The following VWA2 variants were observed in gnomAD, a reference collection of about 807,000 sequenced individuals.
The protein encoded by VWA2 is von Willebrand factor A domain containing 2, also known as von Willebrand factor A domain-containing protein 2.
A neutral mutation model predicts 70.4 loss-of-function variants in VWA2; 73 were observed. That is an observed-to-expected ratio of 1.04 (90% CI 0.86 to 1.26). VWA2 has a LOEUF of 1.26. Among genes scored for constraint, VWA2 ranks in the 50% most tolerant of loss-of-function variants. The probability of loss-of-function intolerance (pLI) is 0.00; values close to 1 mark genes in which losing one functional copy is unlikely to be tolerated. For missense variants in VWA2, 1,011 were observed against 998.5 expected (o/e 1.01, Z -0.17); for synonymous variants, 407 against 423.3 (o/e 0.96, Z 0.47).
intron 4 of VWA2, among the ~76,000 whole-genome samples, chr10:114,260,262 T>C (rs1380736515): frequency 6.6e-6 from 1 of 152,202 alleles, no homozygotes; most frequent in Non-Finnish European, 1.5e-5. Flanking sequence ...AGAGCAACTT[T>C]ACTCAGTTTC....
intron 1 of VWA2, among the ~76,000 whole-genome samples, chr10:114,243,858 G>C (rs1317984982): frequency 6.6e-6 from 1 of 152,204 alleles, no homozygotes; most frequent in Non-Finnish European, 1.5e-5. Flanking sequence ...CATGCCTGCT[G>C]TCCCAAGTGC....
In VWA2 at chr10:114,292,238, C is replaced by T. The variant is rs2039670878; in HGVS notation, c.*1001C>T. ...GTTACAGTGAGCCGAGATCTCACCA[C>T]TGCACTCCAGCCTGGGCAACAAGAG... On this transcript the variant is annotated 3_prime_UTR_variant, in exon 14 of 14. Transcript: ENST00000392982. 6.6e-6 allele frequency among the ~76,000 whole-genome samples: 1 copy of T among 152,058 alleles called. No individual in the cohort carries two copies. Among genetic ancestry groups the T allele is most frequent in the Non-Finnish European group, 1.5e-5 (1 of 68,024 alleles).
chr10:114,248,936 A>G (rs1228173357), intron 2 of VWA2, among the ~76,000 whole-genome samples, 171 bp downstream of exon 2: 3 of 152,060 alleles, frequency 2.0e-5, no homozygotes, highest in African/African-American at 7.2e-5. Context: ...GGACCACTGC[A>G]GTAGCCTCCT....
rs547555963 is a variant in VWA2 at position 114,294,321 on chromosome 10, T to G, written c.*3084T>G. Among the ~76,000 whole-genome samples the G allele has an allele frequency of 1.3e-5, 2 of 152,350 alleles. No individual in the cohort carries two copies. Among genetic ancestry groups the G allele is most frequent in the East Asian group, 3.9e-4 (2 of 5,194 alleles). ...ATACATATTTCTCAAACTTTTACAC[T>G]GATATATTCATAGTATTTTTTTATA... On this transcript the variant is annotated 3_prime_UTR_variant, in exon 14 of 14. Transcript: ENST00000392982.
chr10:114,266,975 AT>A (rs1350955374), intron 5 of VWA2, among the ~76,000 whole-genome samples: 2 of 152,010 alleles, frequency 1.3e-5, no homozygotes, highest in East Asian at 3.9e-4. Context: ...GTTTTTAATG[AT>A]TATTTAATAA....
intron 8 of VWA2, 82 bp from the exon 9 acceptor site, chr10:114,282,434 T>C (rs2038264876): frequency 9.1e-7 from 1 of 1,100,140 alleles, no homozygotes; most frequent in East Asian, 2.4e-5. Flanking sequence ...CTATCAGCTT[T>C]TGGTGTTGTA....
At chr10:114,252,097 C>T (rs945712660) in intron 2 of VWA2, among the ~76,000 whole-genome samples, 3 of 152,236 alleles carry the variant, frequency 2.0e-5, no homozygotes, top group East Asian at 3.9e-4. Flanking sequence ...TGAGCCACCC[C>T]GCTGGCCTGT....
At chr10:114,282,738 A>G (rs948817656) in intron 9 of VWA2, among the ~76,000 whole-genome samples, 167 bp downstream of exon 9, 1 of 152,178 alleles carries the variant, frequency 6.6e-6, no homozygotes, top group Non-Finnish European at 1.5e-5. Flanking sequence ...TGACTCCCTC[A>G]ATGGTGTTTG....
At chr10:114,266,748 T>A (rs1036804746) in intron 5 of VWA2, among the ~76,000 whole-genome samples, 1 of 152,176 alleles carries the variant, frequency 6.6e-6, no homozygotes, top group East Asian at 1.9e-4. Flanking sequence ...ACCCTGTGTT[T>A]ACTGTGACTG....
chr10:114,287,209 C>T (rs2039012982), intron 11 of VWA2, among the ~76,000 whole-genome samples: 1 of 152,170 alleles, frequency 6.6e-6, no homozygotes, highest in African/African-American at 2.4e-5. Flanking sequence ...GAGACAGGGT[C>T]TTGCTCTGTT....
intron 11 of VWA2, among the ~76,000 whole-genome samples, chr10:114,288,709 C>G (rs1278410872): frequency 6.6e-6 from 1 of 152,200 alleles, no homozygotes; most frequent in Non-Finnish European, 1.5e-5. Context: ...CGTGGCCACC[C>G]TAGCTGCCAG....
intron 8 of VWA2, chr10:114,281,245 C>G (rs1189063011): frequency 1.3e-5 from 2 of 152,276 alleles, no homozygotes; most frequent in African/African-American, 4.8e-5. Context: ...CAGGTGAGGC[C>G]ATCCCAGGAG....
chr10:114,287,330 A>G (rs1257246082), intron 11 of VWA2, among the ~76,000 whole-genome samples: 2 of 152,018 alleles, frequency 1.3e-5, no homozygotes, highest in Non-Finnish European at 1.5e-5. Context: ...ACAGGTGCAC[A>G]CCACCATGCC....
intron 5 of VWA2, among the ~76,000 whole-genome samples, chr10:114,265,713 A>T (rs1032760628): frequency 1.3e-5 from 2 of 152,346 alleles, no homozygotes; most frequent in East Asian, 3.9e-4. Flanking sequence ...GGAGAGACAC[A>T]CTAAGATTGA....
intron 1 of VWA2, among the ~76,000 whole-genome samples, chr10:114,244,088 C>T (rs2037021127): frequency 2.0e-5 from 3 of 152,238 alleles, no homozygotes; most frequent in Admixed American, 6.5e-5. Context: ...GTTCCAGCCC[C>T]TGGCTTGCAG....
chr10:114,277,903 C>G lies in VWA2; in HGVS notation c.567-11C>G. 1 of 1,599,930 alleles carries G rather than the reference C, an allele frequency of 6.3e-7. No individual in the cohort carries two copies. The highest frequency in any genetic ancestry group is 8.5e-7 in the Non-Finnish European group (1 of 1,170,494). On this transcript the variant is annotated splice_polypyrimidine_tract_variant and intron_variant, in intron 6 of 13. Coordinates refer to ENST00000392982, the MANE Select transcript of VWA2 (RefSeq NM_001272046.2). ...TATAGGACCACAAGCTGTTACAACC[C>G]CTTGGCACAGGTGGGAGGAGCTGCA...
intron 5 of VWA2, among the ~76,000 whole-genome samples, chr10:114,263,627 G>GT (rs2037495554): frequency 1.3e-5 from 2 of 152,064 alleles, no homozygotes; most frequent in Non-Finnish European, 2.9e-5. Context: ...GTGAGCCACC[G>GT]TGCCTGGCCG....
In VWA2 at chr10:114,291,790, G is replaced by A. The variant is rs1451909121; in HGVS notation, c.*553G>A. Among the ~76,000 whole-genome samples, 1 of 152,234 alleles carries A rather than the reference G, an allele frequency of 6.6e-6. No homozygotes were observed. Among genetic ancestry groups the A allele is most frequent in the Non-Finnish European group, 1.5e-5 (1 of 68,036 alleles). ...ATTGAGTCTGAAAGGGGGCTTGAGG[G>A]ACGTTTGTGACTTCTGGCGACTGCC... On this transcript the variant is annotated 3_prime_UTR_variant, in exon 14 of 14. Transcript: ENST00000392982.
chr10:114,275,072 G>C (rs1475965755), intron 6 of VWA2, among the ~76,000 whole-genome samples: 3 of 152,128 alleles, frequency 2.0e-5, no homozygotes, highest in African/African-American at 4.8e-5. Context: ...GACAGGCATG[G>C]AGATTGAAAT....
Sources: allele counts gnomAD v4.1 joint callset (sites outside exome capture counted in the v4.1 genomes callset), GRCh38; gene constraint gnomAD v4.1.1; transcripts MANE v1.5; gene names NCBI Gene and HGNC (gene_info 2026-07-23, HGNC 2026-07-21).